PRKCA: variants seen among roughly 807,000 people sequenced by gnomAD.
The protein encoded by PRKCA is protein kinase C alpha, also known as protein kinase C alpha type.
PRKCA carries 27 observed loss-of-function variants against 87.0 expected under a neutral mutation model. That is an observed-to-expected ratio of 0.31 (90% confidence interval 0.23 to 0.43). The LOEUF is 0.43. Among genes scored for constraint, PRKCA ranks in the 20% least tolerant of loss-of-function variants. PRKCA has a pLI of 1.00. For synonymous variants in PRKCA, 329 were observed against 311.1 expected (o/e 1.06, Z -0.61); for missense variants, 518 against 852.3 (o/e 0.61, Z 4.88).
chr17:66,325,610 A>G (rs999571251), intron 2 of PRKCA, among the ~76,000 whole-genome samples: 5 of 152,180 alleles, frequency 3.3e-5, no homozygotes, highest in African/African-American at 1.2e-4. Flanking sequence ...ATAAATCCAC[A>G]GGAGAGAAAG....
chr17:66,777,129 G>A (rs141598767), intron 14 of PRKCA: 31 of 738,046 alleles, frequency 4.2e-5, no homozygotes, highest in Non-Finnish European at 4.8e-5. Flanking sequence ...CCTGATGGTC[G>A]CCTGACATTC....
intron 3 of PRKCA, among the ~76,000 whole-genome samples, chr17:66,551,835 G>C (rs1192581465): frequency 6.6e-6 from 1 of 152,118 alleles, no homozygotes; most frequent in African/African-American, 2.4e-5. Flanking sequence ...CTTTAATGAA[G>C]TATAATTCAC....
intron 5 of PRKCA, among the ~76,000 whole-genome samples, chr17:66,669,642 G>A (rs1387851173): frequency 6.6e-6 from 1 of 152,192 alleles, no homozygotes; most frequent in Non-Finnish European, 1.5e-5. Context: ...GCTCACACCT[G>A]TAATTGCAGC....
chr17:66,795,001 G>A lies in PRKCA; in HGVS notation c.1854+6022G>A, dbSNP rs543301902. 5.9e-5 allele frequency among the ~76,000 whole-genome samples: 9 copies of A among 152,084 alleles called. No individual in the cohort carries two copies. The South Asian group carries it at 6.2e-4, about 11-fold the overall frequency. ...AGCAAAAGTAATTGCGGTTTTTGCCGTTACTTTTCATTTTTTTTGCCATTA... is the reference window on the plus strand; with the variant it reads ...AGCAAAAGTAATTGCGGTTTTTGCCATTACTTTTCATTTTTTTTGCCATTA... On this transcript the variant is annotated intron_variant, in intron 16 of 16. Coordinates refer to ENST00000413366, the MANE Select transcript of PRKCA (RefSeq NM_002737.3).
intron 13 of PRKCA, among the ~76,000 whole-genome samples, chr17:66,771,107 A>T (rs917282776): frequency 1.3e-5 from 2 of 150,810 alleles, no homozygotes; most frequent in Admixed American, 1.3e-4. Flanking sequence ...GGTTGAAGCA[A>T]CTCTCCTGCC....
chr17:66,796,976 T>G, intron 16 of PRKCA: 1 of 985,352 alleles, frequency 1.0e-6, no homozygotes, highest in Non-Finnish European at 1.2e-6. Flanking sequence ...TTTCCTCTTC[T>G]TCTGGGTTTT....
intron 13 of PRKCA, among the ~76,000 whole-genome samples, chr17:66,744,799 G>T (rs1198729207): frequency 1.3e-5 from 2 of 152,172 alleles, no homozygotes; most frequent in Non-Finnish European, 2.9e-5. Context: ...CAAGCTGTGG[G>T]CAGGGCTGGT....
Position 66,584,211 on chromosome 17 carries a change from G to C in PRKCA, c.289-57144G>C, listed in dbSNP as rs564934717. 2.6e-5 allele frequency among the ~76,000 whole-genome samples: 4 copies of C among 152,126 alleles called. No individual in the cohort carries two copies. In the East Asian group the frequency reaches 7.7e-4, roughly 29 times the overall value. ...GTTTTTATTGTTTTGGTTTTTGTTTGTTTGTTTTTGGCTTTTGTTTTTGTT... is the reference window on the plus strand; with the variant it reads ...GTTTTTATTGTTTTGGTTTTTGTTTCTTTGTTTTTGGCTTTTGTTTTTGTT... On this transcript the variant is annotated intron_variant, in intron 3 of 16. Coordinates refer to ENST00000413366, the MANE Select transcript of PRKCA (RefSeq NM_002737.3).
intron 2 of PRKCA, among the ~76,000 whole-genome samples, chr17:66,330,103 GA>G (rs1451250548): frequency 4.2e-5 from 3 of 70,884 alleles, no homozygotes; most frequent in African/African-American, 1.2e-4. Context: ...TATTTTCCTG[GA>G]TTTTTTTTTT....
chr17:66,334,321 A>C (rs1320525287), intron 2 of PRKCA, among the ~76,000 whole-genome samples: 1 of 152,196 alleles, frequency 6.6e-6, no homozygotes, highest in Non-Finnish European at 1.5e-5. Context: ...ACACATGATC[A>C]AGTCATCTCT....
chr17:66,452,167 G>A (rs1164119795), intron 2 of PRKCA, among the ~76,000 whole-genome samples: 2 of 152,252 alleles, frequency 1.3e-5, no homozygotes, highest in African/African-American at 4.8e-5. Context: ...AAATACTGCC[G>A]GTGGCTTCAT....
At chr17:66,385,162 T>A (rs1348318399) in intron 2 of PRKCA, among the ~76,000 whole-genome samples, 2 of 152,208 alleles carry the variant, frequency 1.3e-5, no homozygotes, top group Non-Finnish European at 2.9e-5. Flanking sequence ...TGGCAGGCAC[T>A]GTGTGGGGCT....
chr17:66,525,180 A>G (rs1474335388), intron 3 of PRKCA, among the ~76,000 whole-genome samples: 2 of 152,166 alleles, frequency 1.3e-5, no homozygotes, highest in Non-Finnish European at 2.9e-5. Flanking sequence ...ACCCTCCTGG[A>G]GGATGAGAGA....
At chr17:66,645,943 C>T (rs929351359) in intron 5 of PRKCA, among the ~76,000 whole-genome samples, 3 of 152,144 alleles carry the variant, frequency 2.0e-5, no homozygotes, top group Non-Finnish European at 2.9e-5. Flanking sequence ...TCCACCTCAG[C>T]GATAGCAACA....
intron 2 of PRKCA, among the ~76,000 whole-genome samples, chr17:66,431,003 G>T (rs1174610673): frequency 6.6e-6 from 1 of 152,166 alleles, no homozygotes; most frequent in African/African-American, 2.4e-5. Context: ...TTCATGGGGT[G>T]AAACTGCTTT....
At chr17:66,344,800 C>CT (rs1232300979) in intron 2 of PRKCA, among the ~76,000 whole-genome samples, 3 of 152,320 alleles carry the variant, frequency 2.0e-5, no homozygotes, top group East Asian at 3.9e-4. Flanking sequence ...GAGTCCCACT[C>CT]TGTCACCCAG....
chr17:66,560,525 C>A (rs1598769616), intron 3 of PRKCA, among the ~76,000 whole-genome samples: 1 of 151,986 alleles, frequency 6.6e-6, no homozygotes, highest in South Asian at 2.1e-4. Flanking sequence ...GGGAAGAATA[C>A]CACCAACTCC....
chr17:66,782,659 T>C (rs142081830), intron 14 of PRKCA, among the ~76,000 whole-genome samples: 224 of 152,292 alleles, frequency 1.5e-3, no homozygotes, highest in Middle Eastern at 3.4e-3. Flanking sequence ...TCAGAACTCA[T>C]CACTGCATAT....
intron 13 of PRKCA, among the ~76,000 whole-genome samples, chr17:66,758,792 C>A (rs988715809): frequency 6.6e-6 from 1 of 152,092 alleles, no homozygotes; most frequent in Admixed American, 6.5e-5. Flanking sequence ...CCCTTCCATG[C>A]CTAGCTGAAT....
Sources: gnomAD v4.1 joint callset for allele counts (sites outside exome capture counted in the v4.1 genomes callset) on GRCh38, gnomAD v4.1.1 for gene constraint, MANE v1.5 for transcripts, NCBI Gene and HGNC (gene_info 2026-07-23, HGNC 2026-07-21) for gene names.